Variants in CAVIN3 observed in about 807,000 individuals in gnomAD.
CAVIN3 encodes caveolae-associated protein 3.
CAVIN3 carries 11 observed loss-of-function variants against 8.2 expected under a neutral mutation model. The ratio of observed to expected loss-of-function variants is 1.35; its 90% CI spans 0.85 to 2.23. The LOEUF is 2.23. CAVIN3 is among the 30% of genes most tolerant of loss of function. The pLI is 0.00. For synonymous variants in CAVIN3, 191 were observed against 166.3 expected (o/e 1.15, Z -1.14); for missense variants, 401 against 359.5 (o/e 1.12, Z -0.93).
In CAVIN3 at chr11:6,319,445, C is replaced by T; in HGVS notation, c.504G>A (p.Glu168=). ...LEAEVGESSD[E]EPVESRAQRL... Reference sequence around the variant, plus strand: ...GCTGGGCCCTGGACTCCACCGGCTCCTCGTCCGAGCTCTCTCCAACTTCGG... The same window carrying T: ...GCTGGGCCCTGGACTCCACCGGCTCTTCGTCCGAGCTCTCTCCAACTTCGG... The change falls in exon 2 of 2, where the codon GAG becomes GAA. Residue 168 remains glutamate (E), a synonymous_variant. Transcript: ENST00000303927. 6.2e-7 allele frequency: 1 copy of T among 1,611,134 alleles called. No homozygotes were observed.
rs1360405916 is a variant in CAVIN3 at position 6,320,186 on chromosome 11, C to T, written c.291G>A (p.Glu97=). 2 of 1,570,934 alleles carry T rather than the reference C, an allele frequency of 1.3e-6. No homozygotes were observed. The highest frequency in any genetic ancestry group is 1.8e-5 in the Admixed American group (1 of 55,604). ...RVSSHANAAQ[E]RAVRRAAQVQ... ...CCTGGGCTGCGCGGCGCACCGCGCG[C>T]TCTTGGGCGGCGTTGGCGTGCGAGC... is the stretch of plus-strand genomic sequence containing the variant. The change falls in exon 1 of 2, where the codon GAG becomes GAA. Residue 97 remains glutamate (E), a synonymous_variant. Transcript: ENST00000303927.
Position 6,319,517 on chromosome 11 carries a change from G to A in CAVIN3, c.432C>T (p.Pro144=). The change falls in exon 2 of 2, where the codon CCC becomes CCT. Residue 144 remains proline (P), a synonymous_variant. Transcript: ENST00000303927. ...GCTCGGACTGGTCCGCCGGGCCCAA[G>A]GGCTCTGGTGCCTTCTGGAAAGCGC... The part of the protein sequence containing the change: ...PASAFQKAPE[P]LGPADQSELG... 1.3e-6 allele frequency: 2 copies of A among 1,596,454 alleles called. No individual in the cohort carries two copies. The highest frequency in any genetic ancestry group is 1.3e-5 in the African/African-American group (1 of 74,798).
Position 6,319,410 on chromosome 11 carries a change from C to A in CAVIN3, c.539G>T (p.Arg180Leu), listed in dbSNP as rs757534658. The A allele has an allele frequency of 3.7e-6, 6 of 1,610,766 alleles. No homozygotes were observed. Among genetic ancestry groups the A allele is most frequent in the Non-Finnish European group, 5.1e-6 (6 of 1,179,276 alleles). The change falls in exon 2 of 2, where the codon CGC (arginine) becomes CTC (leucine). Residue 180 changes from arginine (R) to leucine (L), a missense_variant. Coordinates refer to ENST00000303927, the MANE Select transcript of CAVIN3 (RefSeq NM_145040.3). Reference sequence around the variant, plus strand: ...GCTCTGTACCTTCTGCAATCCGGTGCGCCGCAGCCGCTGGGCCCTGGACTC... The same window carrying A: ...GCTCTGTACCTTCTGCAATCCGGTGAGCCGCAGCCGCTGGGCCCTGGACTC... ...PVESRAQRLR[R>L]TGLQKVQSLR...
Position 6,319,557 on chromosome 11 carries a change from C to T in CAVIN3, c.392G>A (p.Gly131Asp). The T allele has an allele frequency of 6.4e-7, 1 of 1,574,330 alleles. No individual in the cohort carries two copies. Among genetic ancestry groups the T allele is most frequent in the Non-Finnish European group, 8.6e-7 (1 of 1,166,302 alleles). ...KLHVLLFKEE[G>D]EVPASAFQKA... The stretch of plus-strand genomic sequence containing the variant: ...CTGGAAAGCGCTGGCTGGGACTTCA[C>T]CCTCCTCCTGCATGTGACGGACACA... The change falls in exon 2 of 2, where the codon GGT becomes GAT. Residue 131 changes from glycine to aspartate, a missense_variant. Gly to Asp is a moderately conservative substitution (Grantham distance 94). Transcript: ENST00000303927.
Position 6,320,455 on chromosome 11 carries a change from G to A in CAVIN3, c.22C>T (p.Arg8Trp), listed in dbSNP as rs945894091. 1 of 1,526,444 alleles carries A rather than the reference G, an allele frequency of 6.6e-7. No homozygotes were observed. The highest frequency in any genetic ancestry group is 2.4e-5 in the East Asian group (1 of 42,454). 94.6% of individuals were successfully genotyped at this position (1,526,444 alleles called of 1,614,324 possible). A position where few individuals can be genotyped will look rare whatever the true frequency, so the allele number is the denominator to read the frequency against. The change falls in exon 1 of 2, where the codon CGG becomes TGG. Residue 8 changes from arginine to tryptophan, a missense_variant. Coordinates refer to ENST00000303927, the MANE Select transcript of CAVIN3 (RefSeq NM_145040.3). Reference protein sequence around the residue: MRESALERGPVPEAPAGG... With the variant: MRESALEWGPVPEAPAGG... ...GCCGGCGCCTCGGGCACAGGCCCCC[G>A]CTCCAACGCACTCTCCCTCATGATC...
In CAVIN3 at chr11:6,318,977, C is replaced by T. The variant is rs2133932592; in HGVS notation, c.*186G>A. 1 of 514,146 alleles carries T rather than the reference C, an allele frequency of 1.9e-6. No individual in the cohort carries two copies. The highest frequency in any genetic ancestry group is 3.4e-6 in the Non-Finnish European group (1 of 296,270). 31.8% of individuals were successfully genotyped at this position (514,146 alleles called of 1,614,324 possible). A position where few individuals can be genotyped will look rare whatever the true frequency, so the allele number is the denominator to read the frequency against. On this transcript the variant is annotated 3_prime_UTR_variant, in exon 2 of 2. Coordinates refer to ENST00000303927, the MANE Select transcript of CAVIN3 (RefSeq NM_145040.3). The stretch of plus-strand genomic sequence containing the variant: ...TGAAATTACTTTTATTGATGGTGAG[C>T]GCAAGCAGGTGTGAGTGACTGCACC...
At chr11:6,319,994 G>A (rs1846799526) in intron 1 of CAVIN3, 99 bp downstream of exon 1, 14 of 1,297,596 alleles carry the variant, frequency 1.1e-5, no homozygotes, top group Non-Finnish European at 1.4e-5. Flanking sequence ...GAGGGGTCAG[G>A]AATGTGGGTG....
chr11:6,319,665 C>T (rs1307654181), intron 1 of CAVIN3, 101 bp from the exon 2 acceptor site: 12 of 1,400,272 alleles, frequency 8.6e-6, no homozygotes, highest in Non-Finnish European at 8.8e-6. Flanking sequence ...ACCTCCGCAG[C>T]CAGAGTCTGG....
Position 6,319,661 on chromosome 11 carries a change from G to T in CAVIN3, c.385-97C>A, listed in dbSNP as rs775068391. 1.1e-5 allele frequency: 16 copies of T among 1,412,458 alleles called. No individual in the cohort carries two copies. The African/African-American group carries it at 2.3e-4, about 20-fold the overall frequency. 87.5% of individuals were successfully genotyped at this position (1,412,458 alleles called of 1,614,324 possible). ...TACACAAGGGAAACCTTTTACCTCCGCAGCCAGAGTCTGGGGGGAAAGGCA... is the reference window on the plus strand; with the variant it reads ...TACACAAGGGAAACCTTTTACCTCCTCAGCCAGAGTCTGGGGGGAAAGGCA... On this transcript the variant is annotated intron_variant, in intron 1 of 1. Transcript: ENST00000303927.
chr11:6,319,456 T>C lies in CAVIN3; in HGVS notation c.493A>G (p.Ser165Gly). ...PEQLEAEVGESSDEEPVESRA... is the reference protein window; with the variant it reads ...PEQLEAEVGEGSDEEPVESRA... ...GACTCCACCGGCTCCTCGTCCGAGCTCTCTCCAACTTCGGCCTCCAGCTGC... is the reference window on the plus strand; with the variant it reads ...GACTCCACCGGCTCCTCGTCCGAGCCCTCTCCAACTTCGGCCTCCAGCTGC... The change falls in exon 2 of 2, where the codon AGC (serine) becomes GGC (glycine). Residue 165 changes from serine to glycine, a missense_variant. Ser to Gly is a moderately conservative substitution (Grantham distance 56, BLOSUM62 0). Coordinates refer to ENST00000303927, the MANE Select transcript of CAVIN3 (RefSeq NM_145040.3). The C allele has an allele frequency of 1.2e-6, 2 of 1,610,706 alleles. No homozygotes were observed. The highest frequency in any genetic ancestry group is 1.7e-6 in the Non-Finnish European group (2 of 1,179,608).
chr11:6,320,353 G>A lies in CAVIN3; in HGVS notation c.124C>T (p.Arg42Trp). Residue 42 changes from arginine (R) to tryptophan (W), a missense_variant, in exon 1 of 2, where the codon CGG becomes TGG. Transcript: ENST00000303927. ...TGCCTTCGAGCCAGGCCTCCCTGCCGCTCCCGCAGAGTCTCCAGCATGGAG... is the reference window on the plus strand; with the variant it reads ...TGCCTTCGAGCCAGGCCTCCCTGCCACTCCCGCAGAGTCTCCAGCATGGAG... Reference protein sequence around the residue: ...LASMLETLRERQGGLARRQGG... With the variant: ...LASMLETLREWQGGLARRQGG... The A allele has an allele frequency of 3.8e-6, 6 of 1,581,764 alleles. No individual in the cohort carries two copies. The highest frequency in any genetic ancestry group is 5.1e-6 in the Non-Finnish European group (6 of 1,171,836).
chr11:6,319,341 G>A lies in CAVIN3; in HGVS notation c.608C>T (p.Pro203Leu). Residue 203 changes from proline (P) to leucine (L), a missense_variant, in exon 2 of 2, where the codon CCG becomes CTG. By Grantham distance (98) the Pro-to-Leu change is moderately conservative. Coordinates refer to ENST00000303927, the MANE Select transcript of CAVIN3 (RefSeq NM_145040.3). ...GCGAGGCGGCTTGACCGGGGTGGGC[G>A]GTGGCGCTGCAGGGCCTTTCCGGCC... ...LSGRKGPAAPPPTPVKPPRLG... is the reference protein window; with the variant it reads ...LSGRKGPAAPLPTPVKPPRLG... 1 of 1,599,316 alleles carries A rather than the reference G, an allele frequency of 6.3e-7. No individual in the cohort carries two copies. The highest frequency in any genetic ancestry group is 8.5e-7 in the Non-Finnish European group (1 of 1,174,020).
Position 6,319,550 on chromosome 11 carries a change from G to C in CAVIN3, c.399C>G (p.Val133=). Residue 133 remains valine, a synonymous_variant, in exon 2 of 2, where the codon GTC becomes GTG. Transcript: ENST00000303927. ...GTGCCTTCTGGAAAGCGCTGGCTGGGACTTCACCCTCCTCCTGCATGTGAC... is the reference window on the plus strand; with the variant it reads ...GTGCCTTCTGGAAAGCGCTGGCTGGCACTTCACCCTCCTCCTGCATGTGAC... ...HVLLFKEEGE[V]PASAFQKAPE... is the part of the protein sequence containing the mutation. 2 of 1,580,630 alleles carry C rather than the reference G, an allele frequency of 1.3e-6. No individual in the cohort carries two copies. Among genetic ancestry groups the C allele is most frequent in the Non-Finnish European group, 1.7e-6 (2 of 1,169,252 alleles).
Position 6,320,318 on chromosome 11 carries a change from C to G in CAVIN3, c.159G>C (p.Leu53=). Residue 53 remains leucine (L), a synonymous_variant, in exon 1 of 2, where the codon CTG becomes CTC. Transcript: ENST00000303927. ...TCTGGATGCGGCGCACGGACCCTGC[C>G]AGGCCTCCCTGCCTTCGAGCCAGGC... ...QGGLARRQGG[L]AGSVRRIQSG... 1.2e-5 allele frequency: 18 copies of G among 1,563,140 alleles called. No homozygotes were observed. Among genetic ancestry groups the G allele is most frequent in the Non-Finnish European group, 1.5e-5 (17 of 1,163,160 alleles).
intron 1 of CAVIN3, 34 bp downstream of exon 1, chr11:6,320,059 G>T: frequency 6.5e-7 from 1 of 1,546,334 alleles, no homozygotes. Flanking sequence ...GGCCGGCAAA[G>T]GCCTCGGATT....
chr11:6,319,423 G>C lies in CAVIN3; in HGVS notation c.526C>G (p.Gln176Glu). 6.2e-7 allele frequency: 1 copy of C among 1,611,624 alleles called. No individual in the cohort carries two copies. The highest frequency in any genetic ancestry group is 1.3e-5 in the African/African-American group (1 of 75,040). Reference protein sequence around the residue: ...SDEEPVESRAQRLRRTGLQKV... With the variant: ...SDEEPVESRAERLRRTGLQKV... ...TGCAATCCGGTGCGCCGCAGCCGCT[G>C]GGCCCTGGACTCCACCGGCTCCTCG... Residue 176 changes from glutamine to glutamate, a missense_variant, in exon 2 of 2, where the codon CAG becomes GAG. Gln to Glu is a conservative substitution (Grantham distance 29, BLOSUM62 2). Coordinates refer to ENST00000303927, the MANE Select transcript of CAVIN3 (RefSeq NM_145040.3).
Position 6,319,182 on chromosome 11 carries a change from T to C in CAVIN3, c.767A>G (p.Gln256Arg). 23 of 1,532,224 alleles carry C rather than the reference T, an allele frequency of 1.5e-5. No homozygotes were observed. The highest frequency in any genetic ancestry group is 2.0e-5 in the Non-Finnish European group (23 of 1,143,334). The allele number at this position is 1,532,224 out of a possible 1,614,324, so 94.9% of individuals were successfully genotyped here. A position where few individuals can be genotyped will look rare whatever the true frequency, so the allele number is the denominator to read the frequency against. ...RPGAAEEALL[Q>R]MESVA ...CAGCCCTCAGGCTACACTCTCCATT[T>C]GGAGCAGAGCTTCTTCGGCAGCCCC... is the stretch of plus-strand genomic sequence containing the variant. The change falls in exon 2 of 2, where the codon CAA becomes CGA. Residue 256 changes from glutamine (Q) to arginine (R), a missense_variant. Transcript: ENST00000303927.
Position 6,319,010 on chromosome 11 carries a change from G to A in CAVIN3, c.*153C>T. The A allele has an allele frequency of 2.2e-5, 14 of 650,850 alleles. No individual in the cohort carries two copies. Among genetic ancestry groups the A allele is most frequent in the South Asian group, 1.3e-4 (4 of 30,140 alleles). The allele number at this position is 650,850 out of a possible 1,614,324, so 40.3% of individuals were successfully genotyped here. ...GGTGTGAGTGACTGCACCTCTTTCA[G>A]AGGACACAGGACTGGGCTTAAGGAA... is the stretch of plus-strand genomic sequence containing the variant. On this transcript the variant is annotated 3_prime_UTR_variant, in exon 2 of 2. Coordinates refer to ENST00000303927, the MANE Select transcript of CAVIN3 (RefSeq NM_145040.3).
Position 6,319,084 on chromosome 11 carries a change from T to A in CAVIN3, c.*79A>T. On this transcript the variant is annotated 3_prime_UTR_variant, in exon 2 of 2. Transcript: ENST00000303927. ...GGTGGATGTAGGATTCGCTCCTTAT[T>A]AGGGCGTGAGTGCTACATTCTGAAA... 2 of 1,425,526 alleles carry A rather than the reference T, an allele frequency of 1.4e-6. No individual in the cohort carries two copies. Among genetic ancestry groups the A allele is most frequent in the East Asian group, 4.9e-5 (2 of 40,894 alleles). The allele number at this position is 1,425,526 out of a possible 1,614,324, so 88.3% of individuals were successfully genotyped here.
Sources: gnomAD v4.1 joint callset for allele counts on GRCh38, gnomAD v4.1.1 for gene constraint, MANE v1.5 for transcripts, NCBI Gene and HGNC (gene_info 2026-07-23, HGNC 2026-07-21) for gene names.